The following ITGA8 variants were observed in gnomAD, a reference collection of about 807,000 sequenced individuals.
The protein encoded by ITGA8 is integrin subunit alpha 8, also known as integrin alpha-8.
Under a neutral mutation model 142.3 loss-of-function variants are expected in ITGA8, and 91 were observed. The observed-to-expected ratio is 0.64, with a 90% confidence interval of 0.54 to 0.76. The LOEUF is 0.76. ITGA8 is among the 30% of genes least tolerant of loss of function. The probability of loss-of-function intolerance (pLI) is 0.00; values close to 1 mark genes in which losing one functional copy is unlikely to be tolerated. For missense variants in ITGA8, 1,406 were observed against 1,327.7 expected (o/e 1.06, Z -0.92); for synonymous variants, 505 against 485.2 (o/e 1.04, Z -0.54).
intron 14 of ITGA8, among the ~76,000 whole-genome samples, chr10:15,616,159 A>C (rs1833387031): frequency 6.6e-6 from 1 of 152,236 alleles, no homozygotes; most frequent in Admixed American, 6.5e-5. Flanking sequence ...GATAAATAGT[A>C]ACATTCTTCT....
chr10:15,519,042 C>T (rs1214290996), intron 29 of ITGA8, among the ~76,000 whole-genome samples: 1 of 152,182 alleles, frequency 6.6e-6, no homozygotes, highest in Non-Finnish European at 1.5e-5. Context: ...ACTCTCTCTA[C>T]ATTTATTTAC....
intron 13 of ITGA8, among the ~76,000 whole-genome samples, 158 bp downstream of exon 13, chr10:15,643,872 G>C (rs1289369616): frequency 6.6e-6 from 1 of 152,208 alleles, no homozygotes; most frequent in South Asian, 2.1e-4. Flanking sequence ...AAGTTCTCAT[G>C]AAAGTCGCTC....
At chr10:15,682,070 C>T (rs1834747588) in intron 4 of ITGA8, among the ~76,000 whole-genome samples, 1 of 152,130 alleles carries the variant, frequency 6.6e-6, no homozygotes, top group African/African-American at 2.4e-5. Flanking sequence ...CTCTTCTCTC[C>T]TCCAATAATC....
rs763576378 is a variant in ITGA8, at chr10:15,646,895, G to A, written c.1158C>T (p.Phe386=). 8.7e-6 allele frequency: 14 copies of A among 1,613,846 alleles called. No individual in the cohort carries two copies. In the South Asian group the frequency reaches 8.8e-5, roughly 10 times the overall value. Residue 386 remains phenylalanine, a synonymous_variant, in exon 12 of 30, where the codon TTC becomes TTT. Coordinates refer to ENST00000378076, the MANE Select transcript of ITGA8 (RefSeq NM_003638.3). ...CTCCTAAGTGTGCCATAGCACTACC[G>A]AATCTCCCAAACGTCTCGGTGCCAG... The part of the protein sequence containing the change: ...ILTGTETFGR[F]GSAMAHLGDL...
intron 21 of ITGA8, among the ~76,000 whole-genome samples, chr10:15,595,614 G>A (rs1446072032): frequency 2.0e-5 from 3 of 152,200 alleles, no homozygotes; most frequent in African/African-American, 7.2e-5. Context: ...CTGGTGGCCA[G>A]TTTTGTTCCA....
intron 28 of ITGA8, among the ~76,000 whole-genome samples, chr10:15,520,909 C>T (rs1002751577): frequency 5.3e-5 from 8 of 152,306 alleles, no homozygotes; most frequent in African/African-American, 1.7e-4. Flanking sequence ...CTAAGGTTGG[C>T]GGCTCTGAGA....
At chr10:15,698,607 G>T (rs1319237724) in intron 2 of ITGA8, among the ~76,000 whole-genome samples, 1 of 152,032 alleles carries the variant, frequency 6.6e-6, no homozygotes, top group Non-Finnish European at 1.5e-5. Flanking sequence ...AGCCATTCTT[G>T]CAGGAGTGAG....
intron 3 of ITGA8, among the ~76,000 whole-genome samples, chr10:15,685,582 G>C (rs1834819630): frequency 6.6e-6 from 1 of 152,048 alleles, no homozygotes; most frequent in Non-Finnish European, 1.5e-5. Flanking sequence ...TTATATATTT[G>C]CTTTTATGAT....
At chr10:15,575,790 T>C (rs1834279859) in intron 23 of ITGA8, among the ~76,000 whole-genome samples, 196 bp from the exon 24 acceptor site, 1 of 152,216 alleles carries the variant, frequency 6.6e-6, no homozygotes, top group African/African-American at 2.4e-5. Flanking sequence ...AAACTGCTAG[T>C]GTAGGCTCTC....
At chr10:15,690,208 C>T (rs907648693) in intron 2 of ITGA8, among the ~76,000 whole-genome samples, 2 of 152,156 alleles carry the variant, frequency 1.3e-5, no homozygotes, top group Admixed American at 6.5e-5. Context: ...CATTCGCACC[C>T]GGCCTCACAG....
chr10:15,697,572 C>T (rs1835080691), intron 2 of ITGA8, among the ~76,000 whole-genome samples: 1 of 152,196 alleles, frequency 6.6e-6, no homozygotes, highest in Non-Finnish European at 1.5e-5. Context: ...GCTTTGCAAA[C>T]TGTATAATCT....
At chr10:15,573,669 A>G (rs1426939411) in intron 24 of ITGA8, among the ~76,000 whole-genome samples, 1 of 152,130 alleles carries the variant, frequency 6.6e-6, no homozygotes, top group African/African-American at 2.4e-5. Flanking sequence ...AGAGGATGTT[A>G]TTCATGTCCC....
At chr10:15,608,040 C>G (rs1564372156) in intron 16 of ITGA8, among the ~76,000 whole-genome samples, 195 bp downstream of exon 16, 1 of 152,090 alleles carries the variant, frequency 6.6e-6, no homozygotes, top group Non-Finnish European at 1.5e-5. Flanking sequence ...GTCATTTTCC[C>G]TACAATTATA....
At chr10:15,552,613 C>T (rs1833811651) in intron 26 of ITGA8, among the ~76,000 whole-genome samples, 2 of 152,140 alleles carry the variant, frequency 1.3e-5, no homozygotes, top group African/African-American at 4.8e-5. Flanking sequence ...TATACATGTG[C>T]CATGGTGGTT....
At chr10:15,670,446 C>T (rs947159) in intron 8 of ITGA8, among the ~76,000 whole-genome samples, 140,893 of 152,230 alleles carry the variant, frequency 0.93, 66,016 homozygotes, top group Non-Finnish European at 1. Context: ...CTTGAACCTA[C>T]GTGGATCTTG....
Position 15,655,496 on chromosome 10 carries a change from T to C in ITGA8, c.949-90A>G, listed in dbSNP as rs1834167531. 51 of 906,716 alleles carry C rather than the reference T, an allele frequency of 5.6e-5. No individual in the cohort carries two copies. The South Asian group carries it at 7.5e-4, about 13-fold the overall frequency. 56.2% of individuals were successfully genotyped at this position (906,716 alleles called of 1,614,324 possible). A position where few individuals can be genotyped will look rare whatever the true frequency, so the allele number is the denominator to read the frequency against. On this transcript the variant is annotated intron_variant, in intron 10 of 29. Coordinates refer to ENST00000378076, the MANE Select transcript of ITGA8 (RefSeq NM_003638.3). ...ATTATTCCTGAAAGATTCATCTCAT[T>C]GTGGTACATTTTTGCATTGAAATTC...
Position 15,644,159 on chromosome 10 carries a change from C to T in ITGA8, c.1270G>A (p.Gly424Arg), listed in dbSNP as rs750275235. 1 of 1,614,064 alleles carries T rather than the reference C, an allele frequency of 6.2e-7. No homozygotes were observed. The highest frequency in any genetic ancestry group is 8.5e-7 in the Non-Finnish European group (1 of 1,180,018). ...TTGGTGTTTAAGCCATCTTTGTTCC[C>T]ATTATAAATGAGCACTTTGCCTCTT... ...DQRGKVLIYN[G>R]NKDGLNTKPS... Residue 424 changes from glycine to arginine, a missense_variant, in exon 13 of 30, where the codon GGG becomes AGG. Gly to Arg is a moderately radical substitution (Grantham distance 125, BLOSUM62 -2). Coordinates refer to ENST00000378076, the MANE Select transcript of ITGA8 (RefSeq NM_003638.3).
intron 28 of ITGA8, among the ~76,000 whole-genome samples, chr10:15,527,906 C>CTTT (rs34758919): frequency 0.078 from 6,065 of 78,058 alleles, 2,852 homozygotes; most frequent in African/African-American, 0.14. Flanking sequence ...TTCGGCTGGG[C>CTTT]TTTTTTTTTT....
chr10:15,681,134 G>A (rs1002702488), intron 4 of ITGA8, among the ~76,000 whole-genome samples: 2 of 152,164 alleles, frequency 1.3e-5, no homozygotes, highest in Non-Finnish European at 2.9e-5. Context: ...AGCAGGTAAT[G>A]TCTAACAATA....
Sources: gnomAD v4.1 joint callset for allele counts (sites outside exome capture counted in the v4.1 genomes callset) on GRCh38, gnomAD v4.1.1 for gene constraint, MANE v1.5 for transcripts, NCBI Gene and HGNC (gene_info 2026-07-23, HGNC 2026-07-21) for gene names.